ADORA1: variants seen among roughly 807,000 people sequenced by gnomAD.
The protein encoded by ADORA1 is adenosine receptor A1.
In ADORA1, 6 loss-of-function variants were observed where a neutral mutation model predicts 19.9. That is an observed-to-expected ratio of 0.30 (90% CI 0.17 to 0.59). ADORA1 has a LOEUF of 0.59. Ranked by LOEUF, ADORA1 falls within the 20% of genes least tolerant of loss-of-function variation. The pLI is 0.87. For missense variants in ADORA1, 302 were observed against 439.2 expected (o/e 0.69, Z 2.79); for synonymous variants, 194 against 188.4 (o/e 1.03, Z -0.24).
chr1:203,129,293 T>C (rs1654258105), intron 3 of ADORA1, 111 bp downstream of exon 3: 3 of 1,481,236 alleles, frequency 2.0e-6, no homozygotes, highest in Admixed American at 2.4e-5. Context: ...CAGATGTTCT[T>C]TGGGCCATCG....
At chr1:203,131,170 C>A (rs12135643) in intron 3 of ADORA1, among the ~76,000 whole-genome samples, 20,574 of 152,204 alleles carry the variant, frequency 0.14, 1,853 homozygotes, top group Non-Finnish European at 0.2. Flanking sequence ...TCACTATTAA[C>A]ATATGGCTCA....
Position 203,165,588 on chromosome 1 carries a change from G to A in ADORA1, c.669G>A (p.Gln223=). Residue 223 remains glutamine, a synonymous_variant, in exon 4 of 4, where the codon CAG becomes CAA. Coordinates refer to ENST00000337894, the MANE Select transcript of ADORA1 (RefSeq NM_000674.3). The surrounding 1 kb of genome is among the most constrained non-coding windows in gnomAD (Gnocchi z 5.9). ...KKVSASSGDP[Q]KYYGKELKIA... Reference sequence around the variant, plus strand: ...TGTCGGCCTCCTCCGGCGACCCGCAGAAGTACTATGGGAAGGAGCTGAAGA... The same window carrying A: ...TGTCGGCCTCCTCCGGCGACCCGCAAAAGTACTATGGGAAGGAGCTGAAGA... 3 of 1,613,964 alleles carry A rather than the reference G, an allele frequency of 1.9e-6. No individual in the cohort carries two copies. The highest frequency in any genetic ancestry group is 2.5e-6 in the Non-Finnish European group (3 of 1,179,892).
chr1:203,141,468 A>AG (rs1452072087), intron 3 of ADORA1, among the ~76,000 whole-genome samples: 3 of 150,204 alleles, frequency 2.0e-5, no homozygotes, highest in African/African-American at 7.4e-5. Flanking sequence ...AACAGAACTG[A>AG]GGGCTCTGAG....
intron 3 of ADORA1, among the ~76,000 whole-genome samples, chr1:203,135,811 A>AAT (rs140906359): frequency 0.015 from 2,259 of 152,292 alleles, 40 homozygotes; most frequent in African/African-American, 0.045. Context: ...TGTGAGGTTA[A>AAT]ATATTTCCCA....
intron 3 of ADORA1, among the ~76,000 whole-genome samples, chr1:203,146,455 C>T (rs551466326): frequency 6.6e-6 from 1 of 152,002 alleles, no homozygotes; most frequent in South Asian, 2.1e-4. Context: ...TAGGGAGTCC[C>T]TGTCTCTAAA....
chr1:203,134,457 C>T (rs1654440378), intron 3 of ADORA1, among the ~76,000 whole-genome samples: 1 of 152,192 alleles, frequency 6.6e-6, no homozygotes, highest in African/African-American at 2.4e-5. Context: ...CAAGGGAGAA[C>T]ATGGCCTTTA....
chr1:203,150,877 C>G (rs1655010153), intron 3 of ADORA1: 3 of 1,183,502 alleles, frequency 2.5e-6, no homozygotes, highest in Non-Finnish European at 3.3e-6. Context: ...TTAGGGGGCC[C>G]TGACAGCCCA....
At chr1:203,159,571 G>C (rs924682354) in intron 3 of ADORA1, among the ~76,000 whole-genome samples, 4 of 152,168 alleles carry the variant, frequency 2.6e-5, no homozygotes, top group Non-Finnish European at 5.9e-5. Context: ...TCCTCAGAGA[G>C]GCTGCCCTGC....
chr1:203,140,248 C>T (rs1654637840), intron 3 of ADORA1, among the ~76,000 whole-genome samples: 2 of 152,072 alleles, frequency 1.3e-5, no homozygotes, highest in Non-Finnish European at 2.9e-5. Context: ...TGGGGAGCAG[C>T]AGGCGGGGCT....
intron 3 of ADORA1, among the ~76,000 whole-genome samples, chr1:203,143,464 G>A (rs1654759672): frequency 6.6e-6 from 1 of 152,160 alleles, no homozygotes; most frequent in South Asian, 2.1e-4. Context: ...GTGAAGGCAT[G>A]AAGCCCCCTC....
rs746924602 is a variant in ADORA1 at position 203,165,600 on chromosome 1, G to A, written c.681G>A (p.Gly227=). Residue 227 remains glycine (G), a synonymous_variant, in exon 4 of 4, where the codon GGG becomes GGA. Coordinates refer to ENST00000337894, the MANE Select transcript of ADORA1 (RefSeq NM_000674.3). This position sits in a 1 kb window ranked among gnomAD's most constrained non-coding sequence, Gnocchi z 5.9. ...CCGGCGACCCGCAGAAGTACTATGG[G>A]AAGGAGCTGAAGATCGCCAAGTCGC... is the stretch of plus-strand genomic sequence containing the variant. ...ASSGDPQKYY[G]KELKIAKSLA... The A allele has an allele frequency of 6.2e-7, 1 of 1,613,672 alleles. No individual in the cohort carries two copies. The highest frequency in any genetic ancestry group is 8.5e-7 in the Non-Finnish European group (1 of 1,179,668).
Position 203,128,744 on chromosome 1 carries a change from C to G in ADORA1, c.-57-41C>G. 1.3e-6 allele frequency: 2 copies of G among 1,510,316 alleles called. No homozygotes were observed. The allele number at this position is 1,510,316 out of a possible 1,614,324, so 93.6% of individuals were successfully genotyped here. On this transcript the variant is annotated intron_variant, in intron 2 of 3. Transcript: ENST00000337894. The surrounding 1 kb of genome is among the most constrained non-coding windows in gnomAD (Gnocchi z 5.9). ...GGGCAGCCTGAGCTCCCTGCCCCTCCCAGACGGGTCTCCCCATCCCAGGCT... is the reference window on the plus strand; with the variant it reads ...GGGCAGCCTGAGCTCCCTGCCCCTCGCAGACGGGTCTCCCCATCCCAGGCT...
intron 3 of ADORA1, among the ~76,000 whole-genome samples, chr1:203,149,290 G>T (rs1654958602): frequency 6.6e-6 from 1 of 152,218 alleles, no homozygotes; most frequent in Non-Finnish European, 1.5e-5. Context: ...CACATCATGA[G>T]TTTCCCCCAT....
At chr1:203,147,276 C>A (rs1377995001) in intron 3 of ADORA1, among the ~76,000 whole-genome samples, 1 of 152,138 alleles carries the variant, frequency 6.6e-6, no homozygotes, top group Non-Finnish European at 1.5e-5. Context: ...AGGCAGGGAG[C>A]CTCTTTGCCC....
chr1:203,128,131 G>T lies in ADORA1; in HGVS notation c.-212-147G>T. ...CGCAGGGCAGGTGCGGGCACGCTGG[G>T]GAATAGGGAGAAACGCCCCAGCCTT... On this transcript the variant is annotated intron_variant, in intron 1 of 3. Coordinates refer to ENST00000337894, the MANE Select transcript of ADORA1 (RefSeq NM_000674.3). The surrounding 1 kb of genome is among the most constrained non-coding windows in gnomAD (Gnocchi z 5.9). The T allele has an allele frequency of 2.9e-6, 1 of 345,160 alleles. No homozygotes were observed. The highest frequency in any genetic ancestry group is 5.6e-6 in the Non-Finnish European group (1 of 178,778). The allele number at this position is 345,160 out of a possible 1,614,324, so 21.4% of individuals were successfully genotyped here.
chr1:203,143,451 G>A (rs957294332), intron 3 of ADORA1, among the ~76,000 whole-genome samples: 5 of 152,306 alleles, frequency 3.3e-5, no homozygotes, highest in African/African-American at 9.6e-5. Context: ...GACACAGTCA[G>A]GTGTGAAGGC....
In ADORA1 at chr1:203,165,037, G is replaced by T. The variant is rs1571814700; in HGVS notation, c.342-224G>T. The T allele has an allele frequency of 6.5e-7, 1 of 1,549,300 alleles. No individual in the cohort carries two copies. Among genetic ancestry groups the T allele is most frequent in the Non-Finnish European group, 8.7e-7 (1 of 1,146,356 alleles). ...CTATTATTATTTTTGTCATTAATCAGGATTTCCTCTCTCTGTAGGAGAATA... is the reference window on the plus strand; with the variant it reads ...CTATTATTATTTTTGTCATTAATCATGATTTCCTCTCTCTGTAGGAGAATA... On this transcript the variant is annotated intron_variant, in intron 3 of 3. Transcript: ENST00000337894. This position sits in a 1 kb window ranked among gnomAD's most constrained non-coding sequence, Gnocchi z 5.9.
intron 3 of ADORA1, among the ~76,000 whole-genome samples, chr1:203,147,037 G>T (rs1654879444): frequency 6.6e-6 from 1 of 152,226 alleles, no homozygotes; most frequent in African/African-American, 2.4e-5. Context: ...AGGCCCAGAG[G>T]CAGAGGAGAC....
At chr1:203,154,056 G>A (rs1394784950) in intron 3 of ADORA1, among the ~76,000 whole-genome samples, 1 of 152,116 alleles carries the variant, frequency 6.6e-6, no homozygotes, top group Non-Finnish European at 1.5e-5. Flanking sequence ...CCACCCCCCG[G>A]CCCTCCACCT....
Sources: gnomAD v4.1 joint callset for allele counts (sites outside exome capture counted in the v4.1 genomes callset) on GRCh38, gnomAD v4.1.1 for gene constraint, Gnocchi (gnomAD v3.1) non-coding constraint, MANE v1.5 for transcripts, NCBI Gene and HGNC (gene_info 2026-07-23, HGNC 2026-07-21) for gene names.